BPTF: variants seen among roughly 807,000 people sequenced by gnomAD.
The protein encoded by BPTF is bromodomain PHD finger transcription factor.
Under a neutral mutation model 292.5 loss-of-function variants are expected in BPTF, and 18 were observed. That is an observed-to-expected ratio of 0.06 (90% CI 0.04 to 0.09). BPTF has a LOEUF of 0.09. Ranked by LOEUF, BPTF falls within the 10% of genes least tolerant of loss-of-function variation. BPTF has a pLI of 1.00. For synonymous variants in BPTF, 1,225 were observed against 1,251.9 expected (o/e 0.98, Z 0.45); for missense variants, 2,726 against 3,498.7 (o/e 0.78, Z 5.57).
At chr17:67,844,540 C>G (rs2057881197) in intron 1 of BPTF, among the ~76,000 whole-genome samples, 1 of 151,596 alleles carries the variant, frequency 6.6e-6, no homozygotes, top group Non-Finnish European at 1.5e-5. Context: ...AGCCACCACG[C>G]CCGGCTAATT....
rs1480470216 is a variant in BPTF, at chr17:67,912,067, T to C, written c.4183T>C (p.Ser1395Pro). 2.5e-6 allele frequency: 4 copies of C among 1,608,894 alleles called. No individual in the cohort carries two copies. In the Admixed American group the frequency reaches 5.1e-5, roughly 20 times the overall value. Residue 1395 changes from serine to proline, a missense_variant, in exon 11 of 28, where the codon TCT (serine) becomes CCT (proline). Physicochemically the swap from Ser to Pro is moderately conservative, Grantham distance 74. Transcript: ENST00000306378. ...TDKKNNENRE[S>P]EKKGQRTSTF... The stretch of plus-strand genomic sequence containing the variant: ...CAAAAAGAATAATGAAAATCGAGAG[T>C]CTGAAAAGAAAGGACAGAGAACAAG...
In BPTF at chr17:67,982,392, C is replaced by A; in HGVS notation, c.*104C>A. 1.8e-6 allele frequency: 2 copies of A among 1,115,810 alleles called. No individual in the cohort carries two copies. The highest frequency in any genetic ancestry group is 1.3e-6 in the Non-Finnish European group (1 of 762,012). The allele number at this position is 1,115,810 out of a possible 1,614,324, so 69.1% of individuals were successfully genotyped here. A position where few individuals can be genotyped will look rare whatever the true frequency, so the allele number is the denominator to read the frequency against. On this transcript the variant is annotated 3_prime_UTR_variant, in exon 28 of 28. Transcript: ENST00000306378. ...TTTTAGTCAGGCTATCCTGACAAGACTTGACCTAAACTTCGTTTTTATTGG... is the reference window on the plus strand; with the variant it reads ...TTTTAGTCAGGCTATCCTGACAAGAATTGACCTAAACTTCGTTTTTATTGG...
At chr17:67,877,026 G>A (rs1026940070) in intron 4 of BPTF, among the ~76,000 whole-genome samples, 16 of 151,984 alleles carry the variant, frequency 1.1e-4, no homozygotes, top group African/African-American at 3.9e-4. Context: ...TTCTTGAGTA[G>A]AGTAAAAAAC....
intron 4 of BPTF, among the ~76,000 whole-genome samples, chr17:67,884,045 G>A (rs928040286): frequency 2.0e-5 from 3 of 151,920 alleles, no homozygotes; most frequent in Admixed American, 6.6e-5. Context: ...TGTGAACATA[G>A]TGATTATCCT....
intron 25 of BPTF, chr17:67,965,874 A>C (rs1207296587): frequency 6.6e-6 from 1 of 152,016 alleles, no homozygotes; most frequent in East Asian, 1.9e-4. Flanking sequence ...CTGGGCAACA[A>C]AGTGAGACCC....
intron 25 of BPTF, 41 bp downstream of exon 25, chr17:67,964,445 C>A (rs782166783): frequency 1.6e-5 from 25 of 1,549,856 alleles, no homozygotes; most frequent in Non-Finnish European, 2.2e-5. Flanking sequence ...ATGAAATCAG[C>A]CAGCATAATT....
At chr17:67,904,959 G>A (rs1047583724) in intron 9 of BPTF, 119 bp downstream of exon 9, 1 of 744,532 alleles carries the variant, frequency 1.3e-6, no homozygotes, top group Non-Finnish European at 2.0e-6. Context: ...TATTCGTACT[G>A]CAGAATTACT....
rs375396029 is a variant in BPTF at position 67,950,527 on chromosome 17, G to GA, written c.7926+2225dup. 2.0e-5 allele frequency among the ~76,000 whole-genome samples: 3 copies of GA among 151,924 alleles called. No individual in the cohort carries two copies. The East Asian group carries it at 5.9e-4, about 30-fold the overall frequency. ...TATGATTATTACATCAAAACCCCAA[G>GA]AAAATAATTATTACAATTTATAATT... is the stretch of plus-strand genomic sequence containing the variant. On this transcript the variant is annotated intron_variant, in intron 23 of 27. Transcript: ENST00000306378.
intron 12 of BPTF, among the ~76,000 whole-genome samples, chr17:67,919,173 A>AAATAAT (rs141658141): frequency 0.012 from 1,644 of 135,518 alleles, 17 homozygotes; most frequent in South Asian, 0.019. Context: ...CTCTGTCTCA[A>AAATAAT]AATAATAATA....
At chr17:67,865,580 C>T (rs973030335) in intron 2 of BPTF, among the ~76,000 whole-genome samples, 8 of 152,214 alleles carry the variant, frequency 5.3e-5, no homozygotes, top group African/African-American at 1.9e-4. Context: ...AAGCCCAGTT[C>T]TTTCAGTTCC....
intron 26 of BPTF, among the ~76,000 whole-genome samples, chr17:67,968,251 G>T (rs1165511827): frequency 3.3e-5 from 5 of 150,934 alleles, no homozygotes; most frequent in African/African-American, 1.2e-4. Flanking sequence ...TTTCATGGCA[G>T]CATGAAAGAG....
chr17:67,929,363 T>A lies in BPTF; in HGVS notation c.6026T>A (p.Leu2009Gln). The part of the protein sequence containing the change: ...SGVVQVQQKV[L>Q]GIIPSSTGTS... ...GTTGTTCAAGTACAGCAGAAAGTCCTGGGTATCATTCCATCAAGTACAGGT... is the reference window on the plus strand; with the variant it reads ...GTTGTTCAAGTACAGCAGAAAGTCCAGGGTATCATTCCATCAAGTACAGGT... The change falls in exon 17 of 28, where the codon CTG (leucine) becomes CAG (glutamine). Residue 2009 changes from leucine (L) to glutamine (Q), a missense_variant. Leu to Gln is a moderately radical substitution (Grantham distance 113). Coordinates refer to ENST00000306378, the MANE Select transcript of BPTF (RefSeq NM_182641.4). 2 of 1,614,142 alleles carry A rather than the reference T, an allele frequency of 1.2e-6. No individual in the cohort carries two copies. The highest frequency in any genetic ancestry group is 1.7e-6 in the Non-Finnish European group (2 of 1,179,982).
In BPTF at chr17:67,903,781, AT is replaced by A; in HGVS notation, c.2544-6del. The stretch of plus-strand genomic sequence containing the variant: ...GTTAACATTGTCTTTCTATGCATGA[AT>A]TCTTAGGTTACACCGGATGACATCA... On this transcript the variant is annotated splice_region_variant and splice_polypyrimidine_tract_variant and intron_variant, in intron 7 of 27. Transcript: ENST00000306378. 6.5e-7 allele frequency: 1 copy of A among 1,533,616 alleles called. No homozygotes were observed. The highest frequency in any genetic ancestry group is 8.7e-7 in the Non-Finnish European group (1 of 1,147,766).
intron 19 of BPTF, among the ~76,000 whole-genome samples, chr17:67,942,361 G>T (rs2065446724): frequency 6.6e-6 from 1 of 151,870 alleles, no homozygotes; most frequent in Admixed American, 6.6e-5. Flanking sequence ...GAGGAAAGAA[G>T]AAATCTAAAT....
At position 67,918,714 on chromosome 17, in the gene BPTF, G is replaced by C; in HGVS notation, c.5304G>C (p.Arg1768Ser). ...TGGATTTCTTTGGTTTTCCTTTCAG[G>C]TATAGACTTCAGACAGTAAAGTCCT... ...SPRPTFGITW[R>S]YRLQTVKSLA... Residue 1768 changes from arginine (R) to serine (S), a missense_variant and splice_region_variant, in exon 12 of 28, where the codon AGG (arginine) becomes AGC (serine). Physicochemically the swap from Arg to Ser is moderately radical, Grantham distance 110. This residue lies in a region of BPTF where 36 missense variants were observed against 34.7 expected (regional missense o/e 1.04). Transcript: ENST00000306378. 1 of 1,612,492 alleles carries C rather than the reference G, an allele frequency of 6.2e-7. No homozygotes were observed. Among genetic ancestry groups the C allele is most frequent in the South Asian group, 1.1e-5 (1 of 91,060 alleles).
intron 1 of BPTF, among the ~76,000 whole-genome samples, chr17:67,837,207 C>T (rs1413688229): frequency 6.6e-6 from 1 of 152,152 alleles, no homozygotes; most frequent in Non-Finnish European, 1.5e-5. Context: ...ATTGAGAATT[C>T]AGGCTCTTTT....
chr17:67,913,835 G>C (rs938767009), intron 11 of BPTF, among the ~76,000 whole-genome samples: 14 of 152,128 alleles, frequency 9.2e-5, no homozygotes, highest in African/African-American at 3.4e-4. Context: ...GTTTTATGTT[G>C]GGAAGGCACC....
chr17:67,942,569 T>C (rs1439727910), intron 19 of BPTF, among the ~76,000 whole-genome samples: 2 of 152,146 alleles, frequency 1.3e-5, no homozygotes, highest in Non-Finnish European at 2.9e-5. Flanking sequence ...TTCCTGGACA[T>C]GGTCTGGTAA....
chr17:67,870,285 G>T lies in BPTF; in HGVS notation c.1660+3598G>T, dbSNP rs1598348846. On this transcript the variant is annotated intron_variant, in intron 3 of 27. Transcript: ENST00000306378. ...CCTTTTTTTTTTTTTTTCGGCTAAG[G>T]TACAACATCAACCTGGTACTGTAGG... Among the ~76,000 whole-genome samples the T allele has an allele frequency of 2.7e-5, 4 of 147,848 alleles. 1 individual carries two copies. In the South Asian group the frequency reaches 8.5e-4, roughly 31 times the overall value.
Sources: allele counts gnomAD v4.1 joint callset (sites outside exome capture counted in the v4.1 genomes callset), GRCh38; gene constraint gnomAD v4.1.1; regional missense constraint gnomAD v4.1.1; transcripts MANE v1.5; gene names NCBI Gene and HGNC (gene_info 2026-07-23, HGNC 2026-07-21).